Variants in RASAL2 observed in about 807,000 individuals in gnomAD.
The protein encoded by RASAL2 is RAS protein activator like 2, also known as ras GTPase-activating protein nGAP.
In RASAL2, 58 loss-of-function variants were observed where a neutral mutation model predicts 128.9. That is an observed-to-expected ratio of 0.45 (90% CI 0.36 to 0.56). The LOEUF is 0.56. Ranked by LOEUF, RASAL2 falls within the 20% of genes least tolerant of loss-of-function variation. The probability of loss-of-function intolerance (pLI) is 0.00; values close to 1 mark genes in which losing one functional copy is unlikely to be tolerated. For synonymous variants in RASAL2, 561 were observed against 580.8 expected (o/e 0.97, Z 0.49); for missense variants, 1,360 against 1,601.6 (o/e 0.85, Z 2.57).
chr1:178,107,187 C>T (rs1659121617), intron 1 of RASAL2, among the ~76,000 whole-genome samples: 1 of 152,138 alleles, frequency 6.6e-6, no homozygotes, highest in African/African-American at 2.4e-5. Flanking sequence ...GAGATGATTA[C>T]TATTTGACTC....
intron 1 of RASAL2, among the ~76,000 whole-genome samples, chr1:178,274,005 G>A (rs1454443892): frequency 6.6e-6 from 1 of 152,140 alleles, no homozygotes; most frequent in Non-Finnish European, 1.5e-5. Context: ...TTCACTGTAA[G>A]CTCAGCGATT....
intron 1 of RASAL2, among the ~76,000 whole-genome samples, chr1:178,172,947 G>T (rs914557537): frequency 6.6e-6 from 1 of 152,106 alleles, no homozygotes; most frequent in Non-Finnish European, 1.5e-5. Context: ...GAAATTCAGT[G>T]TGTCTTAAAA....
At chr1:178,336,199 T>TTA (rs1669577907) in intron 3 of RASAL2, among the ~76,000 whole-genome samples, 2 of 151,974 alleles carry the variant, frequency 1.3e-5, no homozygotes, top group African/African-American at 4.8e-5. Flanking sequence ...TTTTTTTTTT[T>TTA]AATGCTTGAT....
intron 1 of RASAL2, among the ~76,000 whole-genome samples, chr1:178,163,030 G>A (rs534888011): frequency 1.6e-4 from 25 of 152,216 alleles, no homozygotes; most frequent in Non-Finnish European, 3.2e-4. Flanking sequence ...GAGTGCGGTG[G>A]TGTGATCTCG....
rs375929987 is a variant in RASAL2, at chr1:178,205,998, G to A, written c.203-77566G>A. On this transcript the variant is annotated intron_variant, in intron 1 of 17. Transcript: ENST00000367649. ...CTCCTTGAAATTCTTTTTTCCTCTGGTTTCCTTGACATTGTTATCCTGACA... is the reference window on the plus strand; with the variant it reads ...CTCCTTGAAATTCTTTTTTCCTCTGATTTCCTTGACATTGTTATCCTGACA... Among the ~76,000 whole-genome samples the A allele has an allele frequency of 3.5e-3, 535 of 152,072 alleles. 2 individuals carry two copies. Among genetic ancestry groups the A allele is most frequent in the South Asian group, 7.3e-3 (35 of 4,820 alleles).
chr1:178,177,222 T>C (rs2101922000), intron 1 of RASAL2, among the ~76,000 whole-genome samples: 1 of 152,228 alleles, frequency 6.6e-6, no homozygotes, highest in East Asian at 1.9e-4. Context: ...ATGGTTGCTG[T>C]AGGTTTCAGT....
intron 1 of RASAL2, among the ~76,000 whole-genome samples, chr1:178,191,534 G>C (rs1662495224): frequency 1.3e-5 from 2 of 152,132 alleles, no homozygotes; most frequent in Admixed American, 1.3e-4. Context: ...TGGGTTGCAC[G>C]AATTTCAGTA....
chr1:178,332,945 C>A (rs891590208), intron 3 of RASAL2, among the ~76,000 whole-genome samples: 5 of 151,820 alleles, frequency 3.3e-5, no homozygotes, highest in African/African-American at 1.2e-4. Flanking sequence ...TGTCTAATTT[C>A]TCTGTGTGGC....
intron 3 of RASAL2, among the ~76,000 whole-genome samples, chr1:178,373,692 G>A (rs1481488778): frequency 6.6e-6 from 1 of 151,896 alleles, no homozygotes; most frequent in Non-Finnish European, 1.5e-5. Flanking sequence ...TTGTGGGGAA[G>A]GCATTATCCT....
intron 1 of RASAL2, among the ~76,000 whole-genome samples, chr1:178,260,010 A>C (rs950507294): frequency 6.6e-6 from 1 of 152,010 alleles, no homozygotes; most frequent in African/African-American, 2.4e-5. Flanking sequence ...AAATGACCTG[A>C]AATGTAAGGT....
intron 3 of RASAL2, chr1:178,372,280 G>C: frequency 1.0e-6 from 1 of 985,366 alleles, no homozygotes. Context: ...GGAGTGGTTG[G>C]ATAGTAGCAC....
intron 1 of RASAL2, among the ~76,000 whole-genome samples, chr1:178,281,052 T>G (rs1010878066): frequency 6.6e-6 from 1 of 151,988 alleles, no homozygotes; most frequent in Non-Finnish European, 1.5e-5. Flanking sequence ...AAAACATAAT[T>G]TTATTACTTA....
At chr1:178,140,833 A>G (rs1178835526) in intron 1 of RASAL2, among the ~76,000 whole-genome samples, 1 of 152,190 alleles carries the variant, frequency 6.6e-6, no homozygotes, top group Admixed American at 6.5e-5. Context: ...GTATTCGGTA[A>G]TTTTTGCATT....
chr1:178,261,320 T>C (rs1463169656), intron 1 of RASAL2, among the ~76,000 whole-genome samples: 1 of 152,192 alleles, frequency 6.6e-6, no homozygotes, highest in East Asian at 1.9e-4. Flanking sequence ...GGATAGGTAT[T>C]AGAGAAGAGC....
rs543363053 is a variant in RASAL2 at position 178,422,123 on chromosome 1, G to C, written c.674+1503G>C. 8.6e-5 allele frequency among the ~76,000 whole-genome samples: 13 copies of C among 151,872 alleles called. No individual in the cohort carries two copies. The South Asian group carries it at 2.5e-3, about 29-fold the overall frequency. On this transcript the variant is annotated intron_variant, in intron 5 of 17. Coordinates refer to ENST00000367649, the MANE Select transcript of RASAL2 (RefSeq NM_170692.4). ...CATCATATAGAAACTTGGGAGACAAGATTTTTTTTTTAAAGTTTACATTAT... is the reference window on the plus strand; with the variant it reads ...CATCATATAGAAACTTGGGAGACAACATTTTTTTTTTAAAGTTTACATTAT...
chr1:178,259,374 G>T (rs866279517), intron 1 of RASAL2, among the ~76,000 whole-genome samples: 1 of 151,880 alleles, frequency 6.6e-6, no homozygotes, highest in African/African-American at 2.4e-5. Flanking sequence ...CTCGTGATCC[G>T]CCCGCCTCGG....
intron 3 of RASAL2, chr1:178,389,317 G>T (rs1300972635): frequency 1.1e-6 from 1 of 948,976 alleles, no homozygotes; most frequent in Non-Finnish European, 1.3e-6. Context: ...GGTATAATAC[G>T]TATATATCTA....
intron 3 of RASAL2, among the ~76,000 whole-genome samples, chr1:178,307,776 T>A (rs1279246110): frequency 6.6e-6 from 1 of 152,226 alleles, no homozygotes; most frequent in East Asian, 1.9e-4. Flanking sequence ...CTGTCTCCAA[T>A]CTTTTTGTTG....
Position 178,094,509 on chromosome 1 carries a change from C to A in RASAL2, c.17C>A (p.Ser6Ter), listed in dbSNP as rs761376854. The A allele has an allele frequency of 6.4e-7, 1 of 1,560,120 alleles. No individual in the cohort carries two copies. The highest frequency in any genetic ancestry group is 1.9e-5 in the Admixed American group (1 of 52,196). MELSP[S>*]SGGAAEALSW... ...CGGGGCACCATGGAGCTCTCTCCGT[C>A]GTCCGGAGGAGCCGCGGAGGCGCTG... Residue 6 changes from serine to a stop codon, truncating the protein, a stop_gained, in exon 1 of 18, where the codon TCG becomes TAG. Transcript: ENST00000367649. LOFTEE classifies it high-confidence loss of function.
Sources: gnomAD v4.1 joint callset for allele counts (sites outside exome capture counted in the v4.1 genomes callset) on GRCh38, gnomAD v4.1.1 for gene constraint, MANE v1.5 for transcripts, NCBI Gene and HGNC (gene_info 2026-07-23, HGNC 2026-07-21) for gene names.